The following CARMIL1 variants were observed in gnomAD, a reference collection of about 807,000 sequenced individuals.
CARMIL1 encodes capping protein regulator and myosin 1 linker 1, also known as F-actin-uncapping protein LRRC16A.
In CARMIL1, 90 loss-of-function variants were observed where a neutral mutation model predicts 177.1. The ratio of observed to expected loss-of-function variants is 0.51; its 90% confidence interval spans 0.43 to 0.61. The LOEUF (loss-of-function observed/expected upper bound fraction) is 0.61, where lower values mean the gene tolerates loss of function less well. CARMIL1 is among the 20% of genes least tolerant of loss of function. The pLI is 0.00. For synonymous variants in CARMIL1, 577 were observed against 606.2 expected (o/e 0.95, Z 0.71); for missense variants, 1,380 against 1,667.0 (o/e 0.83, Z 3.00).
At chr6:25,390,635 T>C (rs1054981436) in intron 2 of CARMIL1, among the ~76,000 whole-genome samples, 6 of 152,090 alleles carry the variant, frequency 3.9e-5, no homozygotes, top group Non-Finnish European at 7.4e-5. Context: ...ATTTTTTATA[T>C]ATGTTTTAAA....
chr6:25,507,919 CTA>C (rs1298042630), intron 17 of CARMIL1, among the ~76,000 whole-genome samples: 4 of 151,914 alleles, frequency 2.6e-5, no homozygotes, highest in African/African-American at 9.7e-5. Context: ...AGTAAATAAA[CTA>C]TTTTTATGTT....
chr6:25,328,470 C>A (rs1353419638), intron 2 of CARMIL1, among the ~76,000 whole-genome samples: 1 of 152,118 alleles, frequency 6.6e-6, no homozygotes, highest in Non-Finnish European at 1.5e-5. Context: ...TGAAAAGCTT[C>A]CTTTCTACTT....
rs775444345 is a variant in CARMIL1 at position 25,600,479 on chromosome 6, A to ATCC, written c.3285_3286insTCC (p.Pro1095_Lys1096insSer). 2 of 1,614,048 alleles carry ATCC rather than the reference A, an allele frequency of 1.2e-6. No homozygotes were observed. The highest frequency in any genetic ancestry group is 3.3e-5 in the Admixed American group (2 of 60,036). ...TGATGACAGAAGAACCCTCCTCACC[A>ATCC]AAAGGGGCAGTCAGAAGTCCACCTG... On this transcript the variant is annotated inframe_insertion, in exon 33 of 37. Coordinates refer to ENST00000329474, the MANE Select transcript of CARMIL1 (RefSeq NM_017640.6).
chr6:25,450,514 T>A, intron 7 of CARMIL1, 105 bp downstream of exon 7: 1 of 1,151,468 alleles, frequency 8.7e-7, no homozygotes, highest in Non-Finnish European at 1.3e-6. Flanking sequence ...ATTTTTCACT[T>A]AAAATCTTCA....
chr6:25,518,350 T>G (rs1562241534), intron 22 of CARMIL1, among the ~76,000 whole-genome samples: 2 of 152,210 alleles, frequency 1.3e-5, no homozygotes, highest in Non-Finnish European at 2.9e-5. Flanking sequence ...TCTTTTTTCA[T>G]GAAATGAGAG....
chr6:25,480,729 C>CTTT (rs1309021528), intron 11 of CARMIL1, among the ~76,000 whole-genome samples: 7 of 112,732 alleles, frequency 6.2e-5, no homozygotes, highest in African/African-American at 1.0e-4. Flanking sequence ...TATTTGTTTC[C>CTTT]TTTTTTTTTT....
intron 24 of CARMIL1, among the ~76,000 whole-genome samples, chr6:25,533,703 A>G (rs78044807): frequency 1.3e-5 from 2 of 151,862 alleles, no homozygotes; most frequent in South Asian, 2.1e-4. Context: ...CATATCCCCA[A>G]TGCAGGATTT....
At position 25,428,229 on chromosome 6, in the gene CARMIL1, C is replaced by CT. The variant is rs992225464; in HGVS notation, c.249+1677dup. ...AGATCAAAATTTTTTTTTAGTTTGT[C>CT]TTTTTTTTCTCATATGTGTATTATA... On this transcript the variant is annotated intron_variant, in intron 4 of 36. Transcript: ENST00000329474. Among the ~76,000 whole-genome samples the CT allele has an allele frequency of 3.3e-5, 5 of 151,238 alleles. No individual in the cohort carries two copies. In the East Asian group the frequency reaches 9.6e-4, roughly 29 times the overall value.
chr6:25,534,824 C>T (rs940383064), intron 24 of CARMIL1, among the ~76,000 whole-genome samples: 3 of 152,186 alleles, frequency 2.0e-5, no homozygotes, highest in Admixed American at 2.0e-4. Context: ...ACTGTAGCTC[C>T]TCTATGCCAG....
At chr6:25,617,481 A>G (rs1394399371) in intron 36 of CARMIL1, among the ~76,000 whole-genome samples, 1 of 152,204 alleles carries the variant, frequency 6.6e-6, no homozygotes, top group African/African-American at 2.4e-5. Context: ...CTCTGAAGAC[A>G]AATGAGCAGT....
At chr6:25,449,877 T>G (rs756415782) in intron 5 of CARMIL1, 21 bp from the exon 6 acceptor site, 144 of 1,426,556 alleles carry the variant, frequency 1.0e-4, no homozygotes, top group Non-Finnish European at 1.2e-4. Flanking sequence ...GTGAAATGTG[T>G]TGTTGTTGTT....
At chr6:25,538,286 A>C (rs1202527245) in intron 25 of CARMIL1, among the ~76,000 whole-genome samples, 2 of 152,182 alleles carry the variant, frequency 1.3e-5, no homozygotes, top group Non-Finnish European at 2.9e-5. Context: ...TCTGCTTCTA[A>C]GCTGATAACA....
chr6:25,340,940 G>T (rs530011163), intron 2 of CARMIL1, among the ~76,000 whole-genome samples: 2 of 152,082 alleles, frequency 1.3e-5, no homozygotes, highest in Non-Finnish European at 1.5e-5. Context: ...GTACCAAAAG[G>T]AAGGAGTGTC....
intron 2 of CARMIL1, among the ~76,000 whole-genome samples, chr6:25,333,557 C>A (rs866783866): frequency 6.6e-6 from 1 of 152,198 alleles, no homozygotes; most frequent in African/African-American, 2.4e-5. Context: ...CAGAGCAAGA[C>A]ACTGTGTAAA....
intron 20 of CARMIL1, among the ~76,000 whole-genome samples, chr6:25,514,872 G>A (rs1436252818): frequency 2.6e-5 from 4 of 152,038 alleles, no homozygotes; most frequent in African/African-American, 9.6e-5. Context: ...TGCAGTGAGT[G>A]GTGATTGCAC....
At chr6:25,586,761 C>G (rs909007053) in intron 31 of CARMIL1, among the ~76,000 whole-genome samples, 9 of 152,058 alleles carry the variant, frequency 5.9e-5, no homozygotes, top group East Asian at 1.9e-4. Context: ...GAGACCAGCC[C>G]GGCCAACACG....
In CARMIL1 at chr6:25,310,775, A is replaced by G. The variant is rs555723819; in HGVS notation, c.138+25866A>G. 3.3e-5 allele frequency among the ~76,000 whole-genome samples: 5 copies of G among 152,282 alleles called. No individual in the cohort carries two copies. The East Asian group carries it at 7.7e-4, about 23-fold the overall frequency. ...GATTTCTACACTTTTAAAATGATTC[A>G]TTTATTCAACAAATATTAAAATATT... On this transcript the variant is annotated intron_variant, in intron 2 of 36. Transcript: ENST00000329474.
At chr6:25,381,637 C>T (rs1302118191) in intron 2 of CARMIL1, among the ~76,000 whole-genome samples, 1 of 152,126 alleles carries the variant, frequency 6.6e-6, no homozygotes, top group Non-Finnish European at 1.5e-5. Flanking sequence ...GAAGTTACAA[C>T]CCAGGAACAG....
chr6:25,402,144 A>G (rs1793939616), intron 2 of CARMIL1, among the ~76,000 whole-genome samples: 1 of 152,064 alleles, frequency 6.6e-6, no homozygotes, highest in Non-Finnish European at 1.5e-5. Flanking sequence ...TTAAACTAAT[A>G]CCAGCCCTTT....
Sources: gnomAD v4.1 joint callset for allele counts (sites outside exome capture counted in the v4.1 genomes callset) on GRCh38, gnomAD v4.1.1 for gene constraint, MANE v1.5 for transcripts, NCBI Gene and HGNC (gene_info 2026-07-23, HGNC 2026-07-21) for gene names.